Variants in ANKS1B observed in about 807,000 individuals in gnomAD.
ANKS1B encodes ankyrin repeat and sterile alpha motif domain-containing protein 1B.
In ANKS1B, 36 loss-of-function variants were observed where a neutral mutation model predicts 148.3. That is an observed-to-expected ratio of 0.24 (90% CI 0.19 to 0.32). ANKS1B has a LOEUF of 0.32. Ranked by LOEUF, ANKS1B falls within the 10% of genes least tolerant of loss-of-function variation. The probability of loss-of-function intolerance (pLI) is 1.00; values close to 1 mark genes in which losing one functional copy is unlikely to be tolerated. For missense variants in ANKS1B, 1,157 were observed against 1,542.6 expected, an observed-to-expected ratio of 0.75 and a Z score of 4.19; for synonymous variants, 542 against 560.8, an observed-to-expected ratio of 0.97 and a Z score of 0.47.
At chr12:99,045,733 T>A (rs147818657) in intron 17 of ANKS1B, among the ~76,000 whole-genome samples, 5 of 152,176 alleles carry the variant, frequency 3.3e-5, no homozygotes, top group Admixed American at 6.5e-5. Context: ...GCAACGGGCA[T>A]GAGGCATTGA....
intron 22 of ANKS1B, among the ~76,000 whole-genome samples, chr12:98,798,417 G>T (rs1054179465): frequency 6.6e-6 from 1 of 151,386 alleles, no homozygotes; most frequent in African/African-American, 2.4e-5. Context: ...CACTGTGCCC[G>T]GCCTGGAATT....
intron 4 of ANKS1B, among the ~76,000 whole-genome samples, chr12:99,800,502 T>C (rs1240145457): frequency 2.7e-5 from 4 of 150,602 alleles, no homozygotes; most frequent in Non-Finnish European, 2.9e-5. Context: ...GATTAGGTCT[T>C]GGACTATGGT....
intron 1 of ANKS1B, among the ~76,000 whole-genome samples, chr12:99,950,627 CCTATCA>C (rs1278690322): frequency 6.6e-6 from 1 of 151,982 alleles, no homozygotes; most frequent in Non-Finnish European, 1.5e-5. Flanking sequence ...TTTTCATTTA[CCTATCA>C]CTATTTTTTC....
At chr12:99,591,930 T>C (rs1326009128) in intron 9 of ANKS1B, among the ~76,000 whole-genome samples, 1 of 152,202 alleles carries the variant, frequency 6.6e-6, no homozygotes, top group Non-Finnish European at 1.5e-5. Context: ...GTTGCTGGTA[T>C]CTAAAATTTC....
intron 8 of ANKS1B, among the ~76,000 whole-genome samples, chr12:99,745,680 A>C (rs1172071214): frequency 6.6e-6 from 1 of 152,150 alleles, no homozygotes; most frequent in Non-Finnish European, 1.5e-5. Context: ...GTAAAATTAC[A>C]ATTTACAATT....
chr12:98,738,350 A>G (rs1033987742), intron 9 of ANKS1B, among the ~76,000 whole-genome samples: 2 of 152,196 alleles, frequency 1.3e-5, no homozygotes, highest in Non-Finnish European at 2.9e-5. Context: ...TGTAATTTCC[A>G]TCACCCAGGG....
At chr12:98,855,452 T>C (rs1438876005) in intron 17 of ANKS1B, among the ~76,000 whole-genome samples, 1 of 152,224 alleles carries the variant, frequency 6.6e-6, no homozygotes, top group Non-Finnish European at 1.5e-5. Flanking sequence ...TGCTTATTCA[T>C]TATTTTTTGA....
At chr12:99,350,240 G>C (rs1287235366) in intron 12 of ANKS1B, among the ~76,000 whole-genome samples, 1 of 151,938 alleles carries the variant, frequency 6.6e-6, no homozygotes, top group Non-Finnish European at 1.5e-5. Flanking sequence ...TGCCATGATT[G>C]TAACTTTCCT....
At chr12:99,489,992 T>C (rs968249873) in intron 10 of ANKS1B, among the ~76,000 whole-genome samples, 1 of 152,226 alleles carries the variant, frequency 6.6e-6, no homozygotes, top group African/African-American at 2.4e-5. Context: ...TAGTTAAATA[T>C]ACAGCTCTGG....
chr12:98,876,208 C>T (rs927419378), intron 17 of ANKS1B, among the ~76,000 whole-genome samples: 1 of 152,206 alleles, frequency 6.6e-6, no homozygotes, highest in African/African-American at 2.4e-5. Flanking sequence ...ACTCATATTA[C>T]ATTACCACTG....
chr12:99,341,082 A>T (rs956551984), intron 12 of ANKS1B: 2 of 152,152 alleles, frequency 1.3e-5, no homozygotes, highest in African/African-American at 4.8e-5. Flanking sequence ...GTAAAGTAAC[A>T]TTAGGTTATT....
chr12:99,593,606 A>G (rs1441152992), intron 9 of ANKS1B, among the ~76,000 whole-genome samples: 1 of 152,128 alleles, frequency 6.6e-6, no homozygotes, highest in Admixed American at 6.6e-5. Context: ...TCAACAAATG[A>G]TCCTTAATTA....
At chr12:98,858,475 T>C (rs1319617378) in intron 17 of ANKS1B, among the ~76,000 whole-genome samples, 1 of 152,182 alleles carries the variant, frequency 6.6e-6, no homozygotes, top group East Asian at 1.9e-4. Context: ...CCCGAGTAGC[T>C]AGGACCACAG....
At chr12:99,861,717 T>C (rs1433113453) in intron 1 of ANKS1B, among the ~76,000 whole-genome samples, 1 of 152,216 alleles carries the variant, frequency 6.6e-6, no homozygotes, top group African/African-American at 2.4e-5. Flanking sequence ...TCTGTTCGCA[T>C]GCAAACAATT....
chr12:98,815,868 C>T (rs2099135461), intron 19 of ANKS1B, among the ~76,000 whole-genome samples: 1 of 152,156 alleles, frequency 6.6e-6, no homozygotes, highest in African/African-American at 2.4e-5. Flanking sequence ...GTTATCCTTG[C>T]CTCCTTAGTA....
intron 1 of ANKS1B, among the ~76,000 whole-genome samples, chr12:99,917,687 C>T (rs1057464335): frequency 6.6e-6 from 1 of 152,320 alleles, no homozygotes; most frequent in East Asian, 1.9e-4. Flanking sequence ...ATCCACCAGT[C>T]TCACCTTTTA....
intron 17 of ANKS1B, among the ~76,000 whole-genome samples, chr12:99,016,295 T>A (rs2099942497): frequency 6.6e-6 from 1 of 152,240 alleles, no homozygotes; most frequent in Admixed American, 6.5e-5. Flanking sequence ...ATGAGTTTTG[T>A]AAGCAAAGTA....
chr12:99,910,769 C>A (rs1248486702), intron 1 of ANKS1B, among the ~76,000 whole-genome samples: 1 of 151,282 alleles, frequency 6.6e-6, no homozygotes, highest in Non-Finnish European at 1.5e-5. Flanking sequence ...TGTACACACC[C>A]ATAATATATG....
At chr12:99,550,920 C>T (rs2097211930) in intron 9 of ANKS1B, among the ~76,000 whole-genome samples, 1 of 152,194 alleles carries the variant, frequency 6.6e-6, no homozygotes, top group South Asian at 2.1e-4. Flanking sequence ...TCCTCTGCTG[C>T]ATTCTTTTCT....
Sources: gnomAD v4.1 joint callset for allele counts (sites outside exome capture counted in the v4.1 genomes callset) on GRCh38, gnomAD v4.1.1 for gene constraint, MANE v1.5 for transcripts, NCBI Gene and HGNC (gene_info 2026-07-23, HGNC 2026-07-21) for gene names.